SEPTIN9: variants seen among roughly 807,000 people sequenced by gnomAD.
The protein encoded by SEPTIN9 is septin 9.
A neutral mutation model predicts 56.6 loss-of-function variants in SEPTIN9; 13 were observed. The ratio of observed to expected loss-of-function variants is 0.23; its 90% CI spans 0.15 to 0.37. The LOEUF (loss-of-function observed/expected upper bound fraction) is 0.37. Ranked by LOEUF, SEPTIN9 falls within the 10% of genes least tolerant of loss-of-function variation. The probability of loss-of-function intolerance (pLI) is 1.00; values close to 1 mark genes in which losing one functional copy is unlikely to be tolerated. For synonymous variants in SEPTIN9, 332 were observed against 334.1 expected (o/e 0.99, Z 0.07); for missense variants, 650 against 823.1 (o/e 0.79, Z 2.57).
chr17:77,466,453 C>T (rs1172996339), intron 3 of SEPTIN9: 22 of 985,380 alleles, frequency 2.2e-5, no homozygotes, highest in Middle Eastern at 1.0e-3. Context: ...TTCCAGGTTC[C>T]GGCTGCTGCC....
At chr17:77,415,237 G>A (rs1447919375) in intron 3 of SEPTIN9, among the ~76,000 whole-genome samples, 2 of 152,190 alleles carry the variant, frequency 1.3e-5, no homozygotes, top group Non-Finnish European at 1.5e-5. Context: ...GCCTCTGGGC[G>A]CAGCAGGCAG....
intron 2 of SEPTIN9, among the ~76,000 whole-genome samples, chr17:77,386,861 G>T (rs2035354151): frequency 6.6e-6 from 1 of 152,218 alleles, no homozygotes; most frequent in Non-Finnish European, 1.5e-5. Context: ...CCACAAGAGG[G>T]GTCAGTTCTC....
chr17:77,341,666 T>C (rs2033729386), intron 2 of SEPTIN9, among the ~76,000 whole-genome samples: 1 of 148,856 alleles, frequency 6.7e-6, no homozygotes, highest in African/African-American at 2.5e-5. Flanking sequence ...TCCCAGCTAC[T>C]GGGGAAGCTG....
chr17:77,381,413 C>T (rs1237562501), intron 2 of SEPTIN9, among the ~76,000 whole-genome samples: 4 of 146,588 alleles, frequency 2.7e-5, no homozygotes, highest in Admixed American at 6.8e-5. Flanking sequence ...CCCCACCCCC[C>T]ACCCCATGTG....
rs2032305394 is a variant in SEPTIN9, at chr17:77,307,194, C to T, written c.73C>T (p.Pro25Ser). The T allele has an allele frequency of 2.5e-6, 4 of 1,613,570 alleles. No homozygotes were observed. Among genetic ancestry groups the T allele is most frequent in the Non-Finnish European group, 2.5e-6 (3 of 1,179,768 alleles). Residue 25 changes from proline to serine, a missense_variant, in exon 2 of 12, where the codon CCA becomes TCA. Coordinates refer to ENST00000427177, the MANE Select transcript of SEPTIN9 (RefSeq NM_001113491.2). ...CCGGAGGCTTGGTGACTCCAGTGGC[C>T]CAGGTAGGTGGCTCGCTCCGCTCTG... ...RLRRLGDSSG[P>S]ALKRSFEVEE... is the part of the protein sequence containing the mutation.
At position 77,487,594 on chromosome 17, in the gene SEPTIN9, C is replaced by A. The variant is rs145874273; in HGVS notation, c.1042+42C>A. 2,924 of 1,594,468 alleles carry A rather than the reference C, an allele frequency of 1.8e-3. 125 individuals carry two copies. The African/African-American group carries it at 0.038, about 20-fold the overall frequency. The stretch of plus-strand genomic sequence containing the variant: ...GGGCTGGGGGTGCAGGACGCCCCTG[C>A]CTTCCTGGAGCACAGGGGTTGGGGG... On this transcript the variant is annotated intron_variant, in intron 5 of 11. Transcript: ENST00000427177. The surrounding 1 kb of genome is among the most constrained non-coding windows in gnomAD (Gnocchi z 4.3).
chr17:77,416,190 A>G (rs2144184478), intron 3 of SEPTIN9, among the ~76,000 whole-genome samples: 1 of 152,260 alleles, frequency 6.6e-6, no homozygotes, highest in South Asian at 2.1e-4. Flanking sequence ...TAACTTTTGC[A>G]CCTGGACGAA....
intron 3 of SEPTIN9, chr17:77,454,453 CGT>C (rs2038106373): frequency 1.2e-6 from 1 of 841,176 alleles, no homozygotes; most frequent in Non-Finnish European, 1.4e-6. Context: ...GTCCGCTGTA[CGT>C]GTGAGTTTGT....
chr17:77,417,858 AGCCTT>A (rs2036558307), intron 3 of SEPTIN9, among the ~76,000 whole-genome samples: 1 of 152,202 alleles, frequency 6.6e-6, no homozygotes, highest in Admixed American at 6.5e-5. Context: ...CCAGGAACCC[AGCCTT>A]GCTCGGGGTT....
intron 3 of SEPTIN9, among the ~76,000 whole-genome samples, chr17:77,406,496 G>A (rs1020876646): frequency 6.6e-6 from 1 of 150,976 alleles, no homozygotes; most frequent in African/African-American, 2.4e-5. Flanking sequence ...AAAAGTAATC[G>A]AGTACCCTTT....
intron 2 of SEPTIN9, among the ~76,000 whole-genome samples, chr17:77,352,734 GGCTCACTGCA>G (rs1192734049): frequency 6.6e-6 from 1 of 152,126 alleles, no homozygotes; most frequent in African/African-American, 2.4e-5. Flanking sequence ...GCGTGATCAT[GGCTCACTGCA>G]GCCTCAGCCT....
At chr17:77,301,259 G>A (rs1342225305) in intron 1 of SEPTIN9, among the ~76,000 whole-genome samples, 1 of 152,024 alleles carries the variant, frequency 6.6e-6, no homozygotes, top group Non-Finnish European at 1.5e-5. Context: ...GTCTTGCTGT[G>A]TTGCCCAGGC....
intron 10 of SEPTIN9, 84 bp from the exon 11 acceptor site, chr17:77,497,231 C>A: frequency 1.4e-6 from 2 of 1,394,684 alleles, no homozygotes; most frequent in South Asian, 1.2e-5. Flanking sequence ...TTGGCACCAG[C>A]ATTTCTGGGC....
intron 2 of SEPTIN9, among the ~76,000 whole-genome samples, chr17:77,399,068 G>C (rs1338723084): frequency 6.6e-6 from 1 of 152,238 alleles, no homozygotes; most frequent in African/African-American, 2.4e-5. Flanking sequence ...ACTGGAGGAA[G>C]GAGGAGTGCC....
chr17:77,461,643 A>G (rs193011975), intron 3 of SEPTIN9, among the ~76,000 whole-genome samples: 1 of 152,362 alleles, frequency 6.6e-6, no homozygotes, highest in East Asian at 1.9e-4. Flanking sequence ...TCTACAGTTC[A>G]ATGGTTTTGC....
Position 77,418,219 on chromosome 17 carries a change from C to T in SEPTIN9, c.721+15516C>T, listed in dbSNP as rs2036570881. On this transcript the variant is annotated intron_variant, in intron 3 of 11. Transcript: ENST00000427177. ...CCCTGCCTCATCTCGGAGTCCCGCTCCGGTTCAGCCTCTTGTGGGTCTGAA... is the reference window on the plus strand; with the variant it reads ...CCCTGCCTCATCTCGGAGTCCCGCTTCGGTTCAGCCTCTTGTGGGTCTGAA... 2.0e-5 allele frequency among the ~76,000 whole-genome samples: 3 copies of T among 152,208 alleles called. No homozygotes were observed. The South Asian group carries it at 6.2e-4, about 31-fold the overall frequency.
intron 2 of SEPTIN9, chr17:77,375,634 G>C (rs896063862): frequency 1.3e-5 from 2 of 152,302 alleles, no homozygotes; most frequent in Non-Finnish European, 2.9e-5. Flanking sequence ...GACCATCCTG[G>C]TGCAGCAGTT....
chr17:77,282,540 T>C (rs1004352395), intron 1 of SEPTIN9, among the ~76,000 whole-genome samples: 2 of 152,174 alleles, frequency 1.3e-5, no homozygotes, highest in Non-Finnish European at 2.9e-5. Context: ...ATCGGGGCCA[T>C]CCCCCTGCCT....
At chr17:77,290,357 ACAC>A (rs1338226481) in intron 1 of SEPTIN9, among the ~76,000 whole-genome samples, 9 of 149,712 alleles carry the variant, frequency 6.0e-5, no homozygotes, top group Non-Finnish European at 1.2e-4. Flanking sequence ...TCCCGGGTTC[ACAC>A]CATTCTCCTG....
Sources: gnomAD v4.1 joint callset for allele counts (sites outside exome capture counted in the v4.1 genomes callset) on GRCh38, gnomAD v4.1.1 for gene constraint, Gnocchi (gnomAD v3.1) non-coding constraint, MANE v1.5 for transcripts, NCBI Gene and HGNC (gene_info 2026-07-23, HGNC 2026-07-21) for gene names.